The following SLC43A2 variants were observed in gnomAD, a reference collection of about 807,000 sequenced individuals.
SLC43A2 encodes large neutral amino acids transporter small subunit 4.
A neutral mutation model predicts 63.2 loss-of-function variants in SLC43A2; 38 were observed. The observed-to-expected ratio is 0.60, with a 90% CI of 0.46 to 0.79. The LOEUF (loss-of-function observed/expected upper bound fraction) is 0.79. SLC43A2 is among the 30% of genes least tolerant of loss of function. The pLI, the probability that SLC43A2 is intolerant of heterozygous loss-of-function variation, is 0.00. For synonymous variants in SLC43A2, 322 were observed against 331.0 expected, an observed-to-expected ratio of 0.97 and a Z score of 0.30; for missense variants, 644 against 756.2, an observed-to-expected ratio of 0.85 and a Z score of 1.74.
chr17:1,615,791 C>T (rs1403213904), intron 3 of SLC43A2, among the ~76,000 whole-genome samples: 6 of 147,648 alleles, frequency 4.1e-5, no homozygotes, highest in Non-Finnish European at 7.5e-5. Flanking sequence ...CGCAGTGAGC[C>T]GAGATCGCGC....
Position 1,578,643 on chromosome 17 carries a change from TCAGCC to T in SLC43A2, c.1351-325_1351-321del. 1 of 295,948 alleles carries T rather than the reference TCAGCC, an allele frequency of 3.4e-6. No individual in the cohort carries two copies. Among genetic ancestry groups the T allele is most frequent in the East Asian group, 6.4e-5 (1 of 15,594 alleles). 18.3% of individuals were successfully genotyped at this position (295,948 alleles called of 1,614,324 possible). A position where few individuals can be genotyped will look rare whatever the true frequency, so the allele number is the denominator to read the frequency against. On this transcript the variant is annotated intron_variant, in intron 11 of 13. Coordinates refer to ENST00000301335, the MANE Select transcript of SLC43A2 (RefSeq NM_152346.3). The surrounding 1 kb of genome is among the most constrained non-coding windows in gnomAD (Gnocchi z 6.5). ...CCTGGATTCAAGCAATTCTCCTGCC[TCAGCC>T]TTCGGAGTAGCTAGGATTACAGGCC...
Position 1,573,301 on chromosome 17 carries a change from C to G in SLC43A2, c.*2303G>C, listed in dbSNP as rs751667704. 1 of 152,168 alleles carries G rather than the reference C, an allele frequency of 6.6e-6. No homozygotes were observed. The highest frequency in any genetic ancestry group is 2.4e-5 in the African/African-American group (1 of 41,410). The allele number at this position is 152,168 out of a possible 1,614,324, so 9.4% of individuals were successfully genotyped here. A position where few individuals can be genotyped will look rare whatever the true frequency, so the allele number is the denominator to read the frequency against. The stretch of plus-strand genomic sequence containing the variant: ...TCTCAAATGCTGGCAGCAGAGTCAC[C>G]GGTCAGCGGCAAGACCTGGAGTCTC... On this transcript the variant is annotated 3_prime_UTR_variant, in exon 14 of 14. Coordinates refer to ENST00000301335, the MANE Select transcript of SLC43A2 (RefSeq NM_152346.3).
chr17:1,620,434 T>C (rs75240751), intron 2 of SLC43A2, among the ~76,000 whole-genome samples: 3,573 of 152,156 alleles, frequency 0.023, 149 homozygotes, highest in African/African-American at 0.081. Context: ...TTTAACCACA[T>C]AGGGAAGAGG....
chr17:1,618,041 G>C (rs1168813226), intron 2 of SLC43A2, among the ~76,000 whole-genome samples: 2 of 152,226 alleles, frequency 1.3e-5, no homozygotes, highest in African/African-American at 4.8e-5. Flanking sequence ...GTAACTGCCT[G>C]CCTTCCAATT....
At chr17:1,595,976 G>A (rs1466387650) in intron 5 of SLC43A2, among the ~76,000 whole-genome samples, 1 of 152,134 alleles carries the variant, frequency 6.6e-6, no homozygotes, top group East Asian at 1.9e-4. Flanking sequence ...AAATGAGTAA[G>A]GGATGTCAGC....
At chr17:1,612,971 CAAAAA>C (rs778022762) in intron 5 of SLC43A2, among the ~76,000 whole-genome samples, 1 of 139,210 alleles carries the variant, frequency 7.2e-6, no homozygotes, top group Admixed American at 7.1e-5. Context: ...GACTCCGTCT[CAAAAA>C]AAAAAAAAAA....
intron 5 of SLC43A2, among the ~76,000 whole-genome samples, chr17:1,604,130 T>G (rs1220254954): frequency 6.6e-6 from 1 of 152,128 alleles, no homozygotes; most frequent in African/African-American, 2.4e-5. Flanking sequence ...AAGCTCCACC[T>G]CCCTGGTTCA....
Position 1,587,070 on chromosome 17 carries a change from C to A in SLC43A2, c.1079-1019G>T. The A allele has an allele frequency of 3.3e-6, 4 of 1,225,734 alleles. No individual in the cohort carries two copies. The South Asian group carries it at 5.5e-5, about 17-fold the overall frequency. 75.9% of individuals were successfully genotyped at this position (1,225,734 alleles called of 1,614,324 possible). A position where few individuals can be genotyped will look rare whatever the true frequency, so the allele number is the denominator to read the frequency against. On this transcript the variant is annotated intron_variant, in intron 9 of 13. Transcript: ENST00000301335. ...AGGCAGGCTCACTCCATGCCCAGCACGCACTGCATTTCCCACACTGCGTTT... is the reference window on the plus strand; with the variant it reads ...AGGCAGGCTCACTCCATGCCCAGCAAGCACTGCATTTCCCACACTGCGTTT...
At chr17:1,596,347 G>A (rs568344195) in intron 5 of SLC43A2, among the ~76,000 whole-genome samples, 3 of 152,086 alleles carry the variant, frequency 2.0e-5, no homozygotes, top group Admixed American at 2.0e-4. Context: ...AAACAGGCTG[G>A]GAGTGGTGGC....
In SLC43A2 at chr17:1,587,865, G is replaced by T. The variant is rs566396716; in HGVS notation, c.1079-1814C>A. On this transcript the variant is annotated intron_variant, in intron 9 of 13. Coordinates refer to ENST00000301335, the MANE Select transcript of SLC43A2 (RefSeq NM_152346.3). ...CCTGACTAGGGGGTGGGGGTGCAGG[G>T]GGCACCCGACCCATCTGGCCAGCCA... Among the ~76,000 whole-genome samples the T allele has an allele frequency of 2.1e-3, 316 of 152,338 alleles. 2 individuals carry two copies. Among genetic ancestry groups the T allele is most frequent in the Middle Eastern group, 3.4e-3 (1 of 294 alleles).
chr17:1,588,538 A>C (rs1463201149), intron 9 of SLC43A2, among the ~76,000 whole-genome samples: 6 of 151,678 alleles, frequency 4.0e-5, no homozygotes, highest in Non-Finnish European at 8.8e-5. Context: ...GGAAAAAAAA[A>C]AAAAACAAAT....
intron 5 of SLC43A2, among the ~76,000 whole-genome samples, chr17:1,611,383 C>G (rs944243564): frequency 2.0e-5 from 3 of 152,096 alleles, no homozygotes; most frequent in Non-Finnish European, 4.4e-5. Flanking sequence ...GCCTGTCATC[C>G]CAGCACTTTG....
chr17:1,604,662 CAA>C (rs1567635184), intron 5 of SLC43A2: 1 of 1,468,640 alleles, frequency 6.8e-7, no homozygotes, highest in Non-Finnish European at 9.2e-7. Flanking sequence ...GGGGATACCA[CAA>C]TGCCCAGTCC....
At chr17:1,595,389 TCC>T (rs78279940) in intron 5 of SLC43A2, among the ~76,000 whole-genome samples, 1 of 149,836 alleles carries the variant, frequency 6.7e-6, no homozygotes, top group Admixed American at 6.6e-5. Context: ...CAAGTGATCT[TCC>T]CCCCCCAGCT....
At chr17:1,598,298 G>A (rs1905526018) in intron 5 of SLC43A2, among the ~76,000 whole-genome samples, 1 of 152,100 alleles carries the variant, frequency 6.6e-6, no homozygotes, top group South Asian at 2.1e-4. Context: ...GTGGGTGCCT[G>A]TAGTCCCAGC....
intron 9 of SLC43A2, among the ~76,000 whole-genome samples, chr17:1,590,337 G>A (rs1206192156): frequency 1.3e-5 from 2 of 151,986 alleles, no homozygotes; most frequent in East Asian, 3.9e-4. Context: ...TCTCGGTGAG[G>A]GATGCAGATC....
In SLC43A2 at chr17:1,586,020, G is replaced by C; in HGVS notation, c.1110C>G (p.Leu370=). ...GGGCCGTCAGCAGGCACAGCAGCTG[G>C]AGCACGCCGAAGATGGAGGTGTAGA... The part of the protein sequence containing the change: ...VGLYTSIFGV[L]QLLCLLTAPV... Residue 370 remains leucine (L), a synonymous_variant, in exon 10 of 14, where the codon CTC becomes CTG. Transcript: ENST00000301335. 1 of 1,608,546 alleles carries C rather than the reference G, an allele frequency of 6.2e-7. No individual in the cohort carries two copies. The highest frequency in any genetic ancestry group is 8.5e-7 in the Non-Finnish European group (1 of 1,177,878).
chr17:1,608,087 C>T (rs780537312), intron 5 of SLC43A2, among the ~76,000 whole-genome samples: 4 of 152,154 alleles, frequency 2.6e-5, no homozygotes, highest in Non-Finnish European at 5.9e-5. Flanking sequence ...TGATGAGATA[C>T]CACAAAAGCA....
chr17:1,582,849 C>T (rs187733603), intron 11 of SLC43A2, among the ~76,000 whole-genome samples: 1 of 152,298 alleles, frequency 6.6e-6, no homozygotes, highest in East Asian at 1.9e-4. Context: ...GAGGCCAAGG[C>T]GGGTGGATCG....
Sources: gnomAD v4.1 joint callset for allele counts (sites outside exome capture counted in the v4.1 genomes callset) on GRCh38, gnomAD v4.1.1 for gene constraint, Gnocchi (gnomAD v3.1) non-coding constraint, MANE v1.5 for transcripts, NCBI Gene and HGNC (gene_info 2026-07-23, HGNC 2026-07-21) for gene names.